The following GJB3 variants were observed in gnomAD, a reference collection of about 807,000 sequenced individuals.
GJB3 encodes the protein gap junction protein beta 3, also known as gap junction beta-3 protein.
Under a neutral mutation model 8.1 loss-of-function variants are expected in GJB3, and 6 were observed. The ratio of observed to expected loss-of-function variants is 0.75; its 90% confidence interval spans 0.41 to 1.47. The LOEUF (loss-of-function observed/expected upper bound fraction) is 1.47. GJB3 is among the 40% of genes most tolerant of loss of function. The pLI is 0.02. For missense variants in GJB3, 348 were observed against 365.6 expected (o/e 0.95, Z 0.39); for synonymous variants, 137 against 156.4 (o/e 0.88, Z 0.93).
Position 34,785,139 on chromosome 1 carries a change from G to T in GJB3, c.377G>T (p.Gly126Val). The T allele has an allele frequency of 4.3e-6, 7 of 1,614,124 alleles. No individual in the cohort carries two copies. The highest frequency in any genetic ancestry group is 5.9e-6 in the Non-Finnish European group (7 of 1,180,024). The change falls in exon 2 of 2, where the codon GGC (glycine) becomes GTC (valine). Residue 126 changes from glycine (G) to valine (V), a missense_variant. Gly to Val is a moderately radical substitution (Grantham distance 109). Coordinates refer to ENST00000373366, the MANE Select transcript of GJB3 (RefSeq NM_024009.3). The surrounding 1 kb of genome is among the most constrained non-coding windows in gnomAD (Gnocchi z 4.7). ...GACAACGCAGGCAAGAAGCACGGAG[G>T]CCTGTGGTGGACCTACCTGTTCAGC... ...LYDNAGKKHG[G>V]LWWTYLFSLI...
intron 1 of GJB3, chr1:34,782,344 AGT>A (rs1246795713): frequency 6.6e-6 from 1 of 152,124 alleles, no homozygotes; most frequent in Non-Finnish European, 1.5e-5. Flanking sequence ...CAGCCATGGG[AGT>A]GTGTCAGGTG....
intron 1 of GJB3, among the ~76,000 whole-genome samples, chr1:34,783,420 C>A (rs1373955968): frequency 6.6e-6 from 1 of 152,164 alleles, no homozygotes; most frequent in Non-Finnish European, 1.5e-5. Context: ...CAGAAGGAAT[C>A]AGTAAAAAGC....
Position 34,785,577 on chromosome 1 carries a change from C to A in GJB3, c.*2C>A. On this transcript the variant is annotated 3_prime_UTR_variant, in exon 2 of 2. Transcript: ENST00000373366. The surrounding 1 kb of genome is among the most constrained non-coding windows in gnomAD (Gnocchi z 4.7). Reference sequence around the variant, plus strand: ...GCACCCAACCTGACCCCCATCTGACCACAGGGCAGGGGTGGGGCAACATGC... The same window carrying A: ...GCACCCAACCTGACCCCCATCTGACAACAGGGCAGGGGTGGGGCAACATGC... 1 of 1,613,070 alleles carries A rather than the reference C, an allele frequency of 6.2e-7. No homozygotes were observed. Among genetic ancestry groups the A allele is most frequent in the South Asian group, 1.1e-5 (1 of 91,040 alleles).
At position 34,785,221 on chromosome 1, in the gene GJB3, G is replaced by T. The variant is rs1640087208; in HGVS notation, c.459G>T (p.Trp153Cys). 17 of 1,614,058 alleles carry T rather than the reference G, an allele frequency of 1.1e-5. No individual in the cohort carries two copies. The East Asian group carries it at 3.8e-4, about 36-fold the overall frequency. ...FLFLYLLHTL[W>C]HGFNMPRLVQ... ...TCCTCTACCTGCTGCACACTCTCTG[G>T]CATGGCTTCAATATGCCGCGCCTGG... Residue 153 changes from tryptophan (W) to cysteine (C), a missense_variant, in exon 2 of 2, where the codon TGG becomes TGT. Transcript: ENST00000373366. This position sits in a 1 kb window ranked among gnomAD's most constrained non-coding sequence, Gnocchi z 4.7.
intron 1 of GJB3, chr1:34,782,154 G>T (rs1244930262): frequency 6.6e-6 from 1 of 152,464 alleles, no homozygotes; most frequent in East Asian, 1.9e-4. Context: ...GGTTGCGCTG[G>T]GAGCTGGCTT....
rs753795621 is a variant in GJB3, at chr1:34,785,008, C to G, written c.246C>G (p.Ile82Met). 2.0e-5 allele frequency: 33 copies of G among 1,614,088 alleles called. No homozygotes were observed. Among genetic ancestry groups the G allele is most frequent in the Admixed American group, 3.3e-5 (2 of 60,010 alleles). ...TCCGCCTCTGGGCCCTGCAGCTCAT[C>G]TTCGTCACATGCCCCTCGCTGCTGG... ...SNIRLWALQL[I>M]FVTCPSLLVI... Residue 82 changes from isoleucine (I) to methionine (M), a missense_variant, in exon 2 of 2, where the codon ATC becomes ATG. Coordinates refer to ENST00000373366, the MANE Select transcript of GJB3 (RefSeq NM_024009.3). This position sits in a 1 kb window ranked among gnomAD's most constrained non-coding sequence, Gnocchi z 4.7.
Position 34,785,162 on chromosome 1 carries a change from A to G in GJB3, c.400A>G (p.Ser134Gly). Residue 134 changes from serine to glycine, a missense_variant, in exon 2 of 2, where the codon AGC becomes GGC. Coordinates refer to ENST00000373366, the MANE Select transcript of GJB3 (RefSeq NM_024009.3). The surrounding 1 kb of genome is among the most constrained non-coding windows in gnomAD (Gnocchi z 4.7). ...HGGLWWTYLF[S>G]LIFKLIIEFL... is the part of the protein sequence containing the mutation. ...AGGCCTGTGGTGGACCTACCTGTTC[A>G]GCCTCATCTTCAAGCTCATCATTGA... The G allele has an allele frequency of 6.2e-7, 1 of 1,614,108 alleles. No homozygotes were observed.
At position 34,785,096 on chromosome 1, in the gene GJB3, C is replaced by A. The variant is rs544836576; in HGVS notation, c.334C>A (p.Gln112Lys). 2.2e-5 allele frequency: 36 copies of A among 1,614,124 alleles called. No individual in the cohort carries two copies. In the Admixed American group the frequency reaches 5.3e-4, roughly 24 times the overall value. Residue 112 changes from glutamine (Q) to lysine (K), a missense_variant, in exon 2 of 2, where the codon CAG (glutamine) becomes AAG (lysine). Transcript: ENST00000373366. This position sits in a 1 kb window ranked among gnomAD's most constrained non-coding sequence, Gnocchi z 4.7. ...CCGGCACCGCCAGAAACACGGGGACCAGTGCGCCAAGCTGTACGACAACGC... is the reference window on the plus strand; with the variant it reads ...CCGGCACCGCCAGAAACACGGGGACAAGTGCGCCAAGCTGTACGACAACGC... ...ERRHRQKHGDQCAKLYDNAGK... is the reference protein window; with the variant it reads ...ERRHRQKHGDKCAKLYDNAGK...
chr1:34,782,504 C>G (rs1470009709), intron 1 of GJB3: 1 of 152,132 alleles, frequency 6.6e-6, no homozygotes, highest in African/African-American at 2.4e-5. Flanking sequence ...AATTATTTCC[C>G]TTTAGAGATT....
At chr1:34,784,627 T>C in intron 1 of GJB3, 111 bp from the exon 2 acceptor site, 1 of 732,550 alleles carries the variant, frequency 1.4e-6, no homozygotes, top group Non-Finnish European at 2.4e-6. Flanking sequence ...ACTCAGAGGG[T>C]CGTTGTGAGT....
At chr1:34,783,247 CAA>C (rs113744247) in intron 1 of GJB3, among the ~76,000 whole-genome samples, 1 of 138,596 alleles carries the variant, frequency 7.2e-6, no homozygotes, top group Non-Finnish European at 1.6e-5. Flanking sequence ...GGCCTTGGCT[CAA>C]AAAAAAAAAA....
intron 1 of GJB3, among the ~76,000 whole-genome samples, chr1:34,783,741 C>G (rs1571579082): frequency 2.0e-5 from 3 of 152,104 alleles, no homozygotes; most frequent in African/African-American, 7.2e-5. Flanking sequence ...GCTCTCACAC[C>G]CACAGCAGCA....
intron 1 of GJB3, among the ~76,000 whole-genome samples, chr1:34,783,512 T>G (rs780665271): frequency 2.0e-5 from 3 of 151,738 alleles, no homozygotes; most frequent in Non-Finnish European, 4.4e-5. Flanking sequence ...GCTAGTAGAG[T>G]CTTAAACAAG....
At position 34,784,977 on chromosome 1, in the gene GJB3, C is replaced by T; in HGVS notation, c.215C>T (p.Ser72Phe). ...NVCYDNYFPISNIRLWALQLI... is the reference protein window; with the variant it reads ...NVCYDNYFPIFNIRLWALQLI... ...TGCTACGACAACTACTTCCCCATCT[C>T]CAACATCCGCCTCTGGGCCCTGCAG... Residue 72 changes from serine (S) to phenylalanine (F), a missense_variant, in exon 2 of 2, where the codon TCC (serine) becomes TTC (phenylalanine). By Grantham distance (155) the Ser-to-Phe change is radical. Coordinates refer to ENST00000373366, the MANE Select transcript of GJB3 (RefSeq NM_024009.3). 6.2e-7 allele frequency: 1 copy of T among 1,614,208 alleles called. No individual in the cohort carries two copies. The highest frequency in any genetic ancestry group is 8.5e-7 in the Non-Finnish European group (1 of 1,180,024).
At position 34,781,228 on chromosome 1, in the gene GJB3, C is replaced by T. The variant is rs1402308329; in HGVS notation, c.-576C>T. The T allele has an allele frequency of 6.7e-6, 1 of 148,620 alleles. No individual in the cohort carries two copies. Among genetic ancestry groups the T allele is most frequent in the Admixed American group, 6.6e-5 (1 of 15,154 alleles). 9.2% of individuals were successfully genotyped at this position (148,620 alleles called of 1,614,324 possible). A position where few individuals can be genotyped will look rare whatever the true frequency, so the allele number is the denominator to read the frequency against. On this transcript the variant is annotated 5_prime_UTR_variant, in exon 1 of 2. Transcript: ENST00000373366. This position sits in a 1 kb window ranked among gnomAD's most constrained non-coding sequence, Gnocchi z 6.2. Reference sequence around the variant, plus strand: ...GCACAGGACTCACTGTGCCCCTTCCCGCTGTGGGTACAAGGTCTGCCCCCC... The same window carrying T: ...GCACAGGACTCACTGTGCCCCTTCCTGCTGTGGGTACAAGGTCTGCCCCCC...
chr1:34,785,143 G>C lies in GJB3; in HGVS notation c.381G>C (p.Leu127=). Residue 127 remains leucine (L), a synonymous_variant, in exon 2 of 2, where the codon CTG becomes CTC. Coordinates refer to ENST00000373366, the MANE Select transcript of GJB3 (RefSeq NM_024009.3). This position sits in a 1 kb window ranked among gnomAD's most constrained non-coding sequence, Gnocchi z 4.7. ...ACGCAGGCAAGAAGCACGGAGGCCT[G>C]TGGTGGACCTACCTGTTCAGCCTCA... ...YDNAGKKHGG[L]WWTYLFSLIF... is the part of the protein sequence containing the mutation. 1 of 1,614,160 alleles carries C rather than the reference G, an allele frequency of 6.2e-7. No homozygotes were observed. Among genetic ancestry groups the C allele is most frequent in the Non-Finnish European group, 8.5e-7 (1 of 1,180,032 alleles).
At position 34,784,831 on chromosome 1, in the gene GJB3, C is replaced by G. The variant is rs759167391; in HGVS notation, c.69C>G (p.Ile23Met). Residue 23 changes from isoleucine to methionine, a missense_variant, in exon 2 of 2, where the codon ATC becomes ATG. Ile to Met is a conservative substitution (Grantham distance 10, BLOSUM62 1). Coordinates refer to ENST00000373366, the MANE Select transcript of GJB3 (RefSeq NM_024009.3). Reference sequence around the variant, plus strand: ...AGTACTCCACAGCGTTCGGGCGCATCTGGCTGTCCGTGGTGTTCGTCTTCC... The same window carrying G: ...AGTACTCCACAGCGTTCGGGCGCATGTGGCTGTCCGTGGTGTTCGTCTTCC... ...VNKYSTAFGR[I>M]WLSVVFVFRV... is the part of the protein sequence containing the mutation. 2 of 1,614,256 alleles carry G rather than the reference C, an allele frequency of 1.2e-6. No homozygotes were observed. The highest frequency in any genetic ancestry group is 1.7e-6 in the Non-Finnish European group (2 of 1,180,052).
Position 34,785,350 on chromosome 1 carries a change from C to T in GJB3, c.588C>T (p.Ala196=), listed in dbSNP as rs1312218926. The change falls in exon 2 of 2, where the codon GCC becomes GCT. Residue 196 remains alanine, a synonymous_variant. Transcript: ENST00000373366. The surrounding 1 kb of genome is among the most constrained non-coding windows in gnomAD (Gnocchi z 4.7). The stretch of plus-strand genomic sequence containing the variant: ...CCTACTTCATGGTGGGCGCCTCCGC[C>T]GTCTGCATCGTACTCACCATCTGTG... ...IFTYFMVGAS[A]VCIVLTICEL... 5.6e-6 allele frequency: 9 copies of T among 1,613,808 alleles called. No individual in the cohort carries two copies. The highest frequency in any genetic ancestry group is 1.3e-5 in the African/African-American group (1 of 74,850).
Position 34,785,326 on chromosome 1 carries a change from C to G in GJB3, c.564C>G (p.Thr188=). The G allele has an allele frequency of 6.2e-7, 1 of 1,614,020 alleles. No individual in the cohort carries two copies. Among genetic ancestry groups the G allele is most frequent in the Non-Finnish European group, 8.5e-7 (1 of 1,180,030 alleles). Residue 188 remains threonine, a synonymous_variant, in exon 2 of 2, where the codon ACC becomes ACG. Coordinates refer to ENST00000373366, the MANE Select transcript of GJB3 (RefSeq NM_024009.3). The surrounding 1 kb of genome is among the most constrained non-coding windows in gnomAD (Gnocchi z 4.7). ...IARPTEKKIF[T]YFMVGASAVC... The stretch of plus-strand genomic sequence containing the variant: ...GACCTACCGAGAAGAAAATCTTCAC[C>G]TACTTCATGGTGGGCGCCTCCGCCG...
Sources: gnomAD v4.1 joint callset for allele counts (sites outside exome capture counted in the v4.1 genomes callset) on GRCh38, gnomAD v4.1.1 for gene constraint, Gnocchi (gnomAD v3.1) non-coding constraint, MANE v1.5 for transcripts, NCBI Gene and HGNC (gene_info 2026-07-23, HGNC 2026-07-21) for gene names.